The following HOGA1 variants were observed in gnomAD, a reference collection of about 807,000 sequenced individuals.
HOGA1 encodes the protein 4-hydroxy-2-oxoglutarate aldolase 1, also known as 4-hydroxy-2-oxoglutarate aldolase, mitochondrial.
Under a neutral mutation model 34.3 loss-of-function variants are expected in HOGA1, and 30 were observed. The observed-to-expected ratio is 0.87, with a 90% confidence interval of 0.65 to 1.19. The LOEUF is 1.19. HOGA1 is among the 50% of genes most tolerant of loss of function. HOGA1 has a pLI of 0.00. For synonymous variants in HOGA1, 161 were observed against 174.0 expected (o/e 0.93, Z 0.59); for missense variants, 417 against 436.5 (o/e 0.96, Z 0.40).
chr10:97,598,806 T>G lies in HOGA1; in HGVS notation c.243T>G (p.Phe81Leu). The change falls in exon 2 of 7, where the codon TTT becomes TTG. Residue 81 changes from phenylalanine to leucine, a missense_variant. By Grantham distance (22) the Phe-to-Leu change is conservative (BLOSUM62 0). Transcript: ENST00000370646. ...GFVVQGSNGE[F>L]PFLTSSERLE... ...TGGTCCAGGGCTCCAATGGCGAGTT[T>G]CCTTTCCTGACCAGCAGTGAGCGCC... 2 of 1,614,162 alleles carry G rather than the reference T, an allele frequency of 1.2e-6. No homozygotes were observed. The highest frequency in any genetic ancestry group is 1.7e-6 in the Non-Finnish European group (2 of 1,180,020).
intron 1 of HOGA1, among the ~76,000 whole-genome samples, chr10:97,594,583 G>A (rs11189290): frequency 0.092 from 13,927 of 152,090 alleles, 881 homozygotes; most frequent in South Asian, 0.19. Context: ...TTGAACTCCT[G>A]ACCTTGTGGT....
At position 97,589,019 on chromosome 10, in the gene HOGA1, G is replaced by C. The variant is rs553288253; in HGVS notation, c.211+4105G>C. On this transcript the variant is annotated intron_variant, in intron 1 of 6. Coordinates refer to ENST00000370646, the MANE Select transcript of HOGA1 (RefSeq NM_138413.4). The stretch of plus-strand genomic sequence containing the variant: ...CACAACCCGAACCATGCCTATTTAT[G>C]GGGGGGCAAATTCTGGGTTTGTAGG... Among the ~76,000 whole-genome samples, 4 of 151,938 alleles carry C rather than the reference G, an allele frequency of 2.6e-5. No homozygotes were observed. The East Asian group carries it at 7.7e-4, about 29-fold the overall frequency.
chr10:97,589,687 A>C (rs2135714569), intron 1 of HOGA1: 1 of 388,124 alleles, frequency 2.6e-6, no homozygotes, highest in Non-Finnish European at 4.8e-6. Flanking sequence ...GGTGGGGGGC[A>C]CCTAGGGAGG....
intron 1 of HOGA1, among the ~76,000 whole-genome samples, chr10:97,585,784 TGTCTG>T (rs1265708339): frequency 6.6e-6 from 1 of 152,094 alleles, no homozygotes; most frequent in Non-Finnish European, 1.5e-5. Context: ...TTCAACGGAG[TGTCTG>T]GTCAGCACTA....
At position 97,590,059 on chromosome 10, in the gene HOGA1, C is replaced by T. The variant is rs370827332; in HGVS notation, c.211+5145C>T. 8.1e-5 allele frequency: 130 copies of T among 1,614,130 alleles called. 1 individual carries two copies. The Admixed American group carries it at 1.0e-3, about 12-fold the overall frequency. ...AGCTGGCCCTCGACAACAATGCCAG[C>T]GCTAGTGGCAATGCTACCCAGACTG... On this transcript the variant is annotated intron_variant, in intron 1 of 6. Coordinates refer to ENST00000370646, the MANE Select transcript of HOGA1 (RefSeq NM_138413.4).
At chr10:97,589,713 T>G (rs1326765457) in intron 1 of HOGA1, 4 of 573,790 alleles carry the variant, frequency 7.0e-6, no homozygotes, top group African/African-American at 3.7e-5. Flanking sequence ...GCAGGGGGCC[T>G]GCCTGTCAGA....
At chr10:97,599,909 C>A in intron 4 of HOGA1, 95 bp downstream of exon 4, 2 of 1,586,324 alleles carry the variant, frequency 1.3e-6, no homozygotes, top group Admixed American at 1.7e-5. Context: ...CTGTTTCCAA[C>A]CTTGGCTTCT....
intron 1 of HOGA1, among the ~76,000 whole-genome samples, chr10:97,585,658 G>C (rs566545553): frequency 1.3e-5 from 2 of 152,170 alleles, no homozygotes; most frequent in Admixed American, 1.3e-4. Context: ...AAGGTCATTC[G>C]GCTAACACAT....
At chr10:97,589,910 C>T (rs2041004251) in intron 1 of HOGA1, 8 of 1,612,224 alleles carry the variant, frequency 5.0e-6, no homozygotes, top group Non-Finnish European at 6.8e-6. Context: ...GCTGTGGGTT[C>T]AGAGAAAGAG....
rs1164946936 is a variant in HOGA1, at chr10:97,588,195, C to CTTTTTTTTTTTTTTTTTTTTTTT, written c.211+3284_211+3285insTTTTTTTTTTTTTTTTTTTTTTT. ...ATAGAGAGTATTCTTTTTGTTTTTTCTTTCTTTTTTTTTTTTTTTTGTGAT... is the reference window on the plus strand; with the variant it reads ...ATAGAGAGTATTCTTTTTGTTTTTTCTTTTTTTTTTTTTTTTTTTTTTTTTTCTTTTTTTTTTTTTTTTGTGAT... On this transcript the variant is annotated intron_variant, in intron 1 of 6. Coordinates refer to ENST00000370646, the MANE Select transcript of HOGA1 (RefSeq NM_138413.4). Among the ~76,000 whole-genome samples, 2 of 131,346 alleles carry CTTTTTTTTTTTTTTTTTTTTTTT rather than the reference C, an allele frequency of 1.5e-5. 1 individual carries two copies. Among genetic ancestry groups the CTTTTTTTTTTTTTTTTTTTTTTT allele is most frequent in the Non-Finnish European group, 3.3e-5 (2 of 60,276 alleles). The allele number at this position is 131,346 out of a possible 152,430, so 86.2% of individuals were successfully genotyped here.
chr10:97,589,660 G>C, intron 1 of HOGA1: 1 of 517,006 alleles, frequency 1.9e-6, no homozygotes, highest in Non-Finnish European at 3.5e-6. Flanking sequence ...CCTCACAATG[G>C]GGTTCATTGT....
chr10:97,592,003 A>G (rs955748061), intron 1 of HOGA1, among the ~76,000 whole-genome samples: 1 of 149,718 alleles, frequency 6.7e-6, no homozygotes. Flanking sequence ...CATGCCTGGC[A>G]AATTTTTTTT....
Position 97,598,892 on chromosome 10 carries a change from C to T in HOGA1, c.329C>T (p.Ser110Phe), listed in dbSNP as rs1307213959. ...MPKNRLLLAGSGCESTQATVE... is the reference protein window; with the variant it reads ...MPKNRLLLAGFGCESTQATVE... ...AAGAACAGGCTCCTGCTAGCTGGCT[C>T]CGGATGCGAGTGTGAGCCAGAATGC... is the stretch of plus-strand genomic sequence containing the variant. The change falls in exon 2 of 7, where the codon TCC becomes TTC. Residue 110 changes from serine to phenylalanine, a missense_variant. Transcript: ENST00000370646. The T allele has an allele frequency of 1.1e-5, 17 of 1,613,894 alleles. No homozygotes were observed. The highest frequency in any genetic ancestry group is 1.4e-5 in the Non-Finnish European group (16 of 1,180,036).
chr10:97,593,628 A>G (rs1009150725), intron 1 of HOGA1, among the ~76,000 whole-genome samples: 3 of 152,100 alleles, frequency 2.0e-5, no homozygotes, highest in African/African-American at 7.2e-5. Context: ...AAAATAAAGA[A>G]CTTCTTTTTC....
intron 6 of HOGA1, among the ~76,000 whole-genome samples, chr10:97,604,365 C>T (rs1330551240): frequency 6.6e-6 from 1 of 152,032 alleles, no homozygotes; most frequent in African/African-American, 2.4e-5. Context: ...GCCCTGTCAC[C>T]GGGGATGAGT....
In HOGA1 at chr10:97,607,494, G is replaced by A. The variant is rs1397588790; in HGVS notation, c.835-4016G>A. ...AGAGAGAACTGGCTTCTGTTAGTGCGTGTATTGTCTGTACCCATTGGCACT... is the reference window on the plus strand; with the variant it reads ...AGAGAGAACTGGCTTCTGTTAGTGCATGTATTGTCTGTACCCATTGGCACT... On this transcript the variant is annotated intron_variant, in intron 6 of 6. Transcript: ENST00000370646. 9.9e-5 allele frequency among the ~76,000 whole-genome samples: 15 copies of A among 152,276 alleles called. 1 individual carries two copies. The highest frequency in any genetic ancestry group is 3.4e-3 in the Middle Eastern group (1 of 294).
chr10:97,590,048 A>G (rs763759398), intron 1 of HOGA1: 8 of 1,614,174 alleles, frequency 5.0e-6, no homozygotes, highest in Non-Finnish European at 5.9e-6. Flanking sequence ...GGCCCTCGAC[A>G]ACAATGCCAG....
At chr10:97,590,251 C>CA in intron 1 of HOGA1, 1 of 1,613,896 alleles carries the variant, frequency 6.2e-7, no homozygotes, top group South Asian at 1.1e-5. Context: ...AAGCCCCATC[C>CA]ACTGATGAGG....
chr10:97,594,026 G>A (rs1346893240), intron 1 of HOGA1, among the ~76,000 whole-genome samples: 5 of 152,034 alleles, frequency 3.3e-5, no homozygotes, highest in African/African-American at 9.6e-5. Flanking sequence ...GCACCACCAC[G>A]CCCAGCTAAT....
Sources: allele counts gnomAD v4.1 joint callset (sites outside exome capture counted in the v4.1 genomes callset), GRCh38; gene constraint gnomAD v4.1.1; transcripts MANE v1.5; gene names NCBI Gene and HGNC (gene_info 2026-07-23, HGNC 2026-07-21).